Variants in SCHIP1 observed in about 807,000 individuals in gnomAD.
SCHIP1 encodes schwannomin-interacting protein 1.
A neutral mutation model predicts 29.7 loss-of-function variants in SCHIP1; 8 were observed. That is an observed-to-expected ratio of 0.27 (90% CI 0.16 to 0.49). The LOEUF (loss-of-function observed/expected upper bound fraction) is 0.49. Among genes scored for constraint, SCHIP1 ranks in the 20% least tolerant of loss-of-function variants. SCHIP1 has a pLI of 0.99. For missense variants in SCHIP1, 193 were observed against 294.6 expected (o/e 0.66, Z 2.52); for synonymous variants, 76 against 94.9 (o/e 0.80, Z 1.16).
chr3:159,892,074 A>T, intron 5 of SCHIP1, 23 bp from the exon 7 acceptor site: 1 of 1,606,990 alleles, frequency 6.2e-7, no homozygotes, highest in Non-Finnish European at 8.5e-7. Flanking sequence ...ATCTGTTTTT[A>T]AATGTTCTGT....
At chr3:159,815,567 A>G in the SCHIP1 span, among the ~76,000 whole-genome samples, 1 of 152,230 alleles carries the variant, frequency 6.6e-6, no homozygotes, top group African/African-American at 2.4e-5. Flanking sequence ...CCCATTAACA[A>G]CAGCATTCTC....
chr3:159,549,343 T>A, the SCHIP1 span, among the ~76,000 whole-genome samples: 1 of 152,194 alleles, frequency 6.6e-6, no homozygotes, highest in African/African-American at 2.4e-5. Flanking sequence ...CCCATTGTTA[T>A]GGTCTAAATG....
At chr3:159,427,527 C>T in the SCHIP1 span, among the ~76,000 whole-genome samples, 1 of 152,136 alleles carries the variant, frequency 6.6e-6, no homozygotes, top group Non-Finnish European at 1.5e-5. Flanking sequence ...CTACAAACCA[C>T]TGCTCAATGA....
the SCHIP1 span, among the ~76,000 whole-genome samples, chr3:159,499,958 C>T: frequency 1.3e-5 from 2 of 151,134 alleles, no homozygotes; most frequent in South Asian, 4.2e-4. Context: ...GCTTATCAGT[C>T]TCAATTAGTT....
chr3:159,537,016 T>C, the SCHIP1 span, among the ~76,000 whole-genome samples: 1 of 152,178 alleles, frequency 6.6e-6, no homozygotes, highest in African/African-American at 2.4e-5. Flanking sequence ...AGTTTAAAAC[T>C]GGCCATGGTG....
At chr3:159,795,829 A>G in the SCHIP1 span, among the ~76,000 whole-genome samples, 1 of 152,152 alleles carries the variant, frequency 6.6e-6, no homozygotes, top group Non-Finnish European at 1.5e-5. Context: ...ATGGCCATGG[A>G]GTAGGATGTG....
upstream of SCHIP1, among the ~76,000 whole-genome samples, chr3:159,839,474 A>G (rs78310307): frequency 0.054 from 8,189 of 152,108 alleles, 338 homozygotes; most frequent in Non-Finnish European, 0.066. Flanking sequence ...ATTACAAAAT[A>G]ATCCTTTTAA....
chr3:159,476,696 C>A, the SCHIP1 span, among the ~76,000 whole-genome samples: 1 of 152,026 alleles, frequency 6.6e-6, no homozygotes. Flanking sequence ...ATCGGCAAAT[C>A]ATAATTTTCT....
At chr3:159,345,011 G>T in the SCHIP1 span, among the ~76,000 whole-genome samples, 1 of 152,140 alleles carries the variant, frequency 6.6e-6, no homozygotes, top group Non-Finnish European at 1.5e-5. Flanking sequence ...CACTTTGGGA[G>T]GCTGAGGCGC....
chr3:159,276,374 G>T, the SCHIP1 span, among the ~76,000 whole-genome samples: 1 of 152,110 alleles, frequency 6.6e-6, no homozygotes, highest in Non-Finnish European at 1.5e-5. Flanking sequence ...TTCCAAATGG[G>T]TTCTAGGCTT....
At chr3:159,361,459 C>A in the SCHIP1 span, among the ~76,000 whole-genome samples, 30,552 of 151,938 alleles carry the variant, frequency 0.2, 4,325 homozygotes, top group African/African-American at 0.4. Flanking sequence ...AGATGAGATT[C>A]GAAAATAATT....
At chr3:159,700,800 T>G in the SCHIP1 span, among the ~76,000 whole-genome samples, 1 of 143,368 alleles carries the variant, frequency 7.0e-6, no homozygotes. Flanking sequence ...GGTGACAGAG[T>G]GAGAATCCAA....
At chr3:159,370,482 G>GTTAAT in the SCHIP1 span, among the ~76,000 whole-genome samples, 2 of 152,192 alleles carry the variant, frequency 1.3e-5, no homozygotes, top group African/African-American at 4.8e-5. Context: ...GGCTGTGATG[G>GTTAAT]TTAATTTTAA....
the SCHIP1 span, among the ~76,000 whole-genome samples, chr3:159,395,589 T>C: frequency 1.3e-5 from 2 of 152,172 alleles, no homozygotes; most frequent in African/African-American, 4.8e-5. Flanking sequence ...CCAGTAGTCA[T>C]TCAGGAGCTG....
the SCHIP1 span, among the ~76,000 whole-genome samples, chr3:159,333,728 C>T: frequency 6.6e-6 from 1 of 152,094 alleles, no homozygotes; most frequent in Non-Finnish European, 1.5e-5. Context: ...TTGCATTAGT[C>T]TGATATCAAC....
At chr3:159,887,414 T>C (rs1255517069) in intron 3 of SCHIP1, 2 of 333,820 alleles carry the variant, frequency 6.0e-6, no homozygotes, top group Non-Finnish European at 1.1e-5. Flanking sequence ...TATTTTGTTA[T>C]GTCTGTTCAC....
the SCHIP1 span, among the ~76,000 whole-genome samples, chr3:159,532,251 A>G: frequency 4.6e-5 from 7 of 152,178 alleles, no homozygotes; most frequent in Non-Finnish European, 2.9e-5. Flanking sequence ...TCATTGACAT[A>G]AATATAAAAA....
At chr3:159,684,328 G>A in the SCHIP1 span, among the ~76,000 whole-genome samples, 3 of 152,070 alleles carry the variant, frequency 2.0e-5, no homozygotes, top group South Asian at 2.1e-4. Flanking sequence ...CCCTAATAAG[G>A]GCTCTGGCTT....
chr3:159,866,966 ACT>A (rs36039672), intron 2 of SCHIP1, among the ~76,000 whole-genome samples: 4,398 of 152,168 alleles, frequency 0.029, 71 homozygotes, highest in Non-Finnish European at 0.047. Flanking sequence ...TAAAATGAAG[ACT>A]CTGATTCAGT....
Sources: allele counts gnomAD v4.1 joint callset (sites outside exome capture counted in the v4.1 genomes callset), GRCh38; gene constraint gnomAD v4.1.1; transcripts MANE v1.5; gene names NCBI Gene and HGNC (gene_info 2026-07-23, HGNC 2026-07-21).